Variants in EYS observed in about 807,000 individuals in gnomAD.
EYS encodes the protein EGF-like photoreceptor maintenance factor.
Under a neutral mutation model 282.1 loss-of-function variants are expected in EYS, and 250 were observed. The ratio of observed to expected loss-of-function variants is 0.89; its 90% CI spans 0.80 to 0.98. The LOEUF is 0.98. Among genes scored for constraint, EYS ranks in the 50% least tolerant of loss-of-function variants. The pLI is 0.00. For synonymous variants in EYS, 1,355 were observed against 1,282.9 expected (o/e 1.06, Z -1.20); for missense variants, 4,016 against 3,709.0 (o/e 1.08, Z -2.15).
intron 14 of EYS, among the ~76,000 whole-genome samples, chr6:64,961,752 G>T (rs1022363453): frequency 6.6e-5 from 10 of 151,986 alleles, no homozygotes; most frequent in African/African-American, 2.4e-4. Flanking sequence ...ATAATGCTCA[G>T]TGCACTTGAG....
intron 22 of EYS, among the ~76,000 whole-genome samples, chr6:64,705,062 C>T (rs944239654): frequency 2.0e-5 from 3 of 151,942 alleles, no homozygotes; most frequent in African/African-American, 7.2e-5. Flanking sequence ...TATGATCAAA[C>T]GTTTACCTAG....
chr6:64,565,984 A>C (rs1765556332), intron 26 of EYS, among the ~76,000 whole-genome samples: 1 of 151,484 alleles, frequency 6.6e-6, no homozygotes, highest in Admixed American at 6.6e-5. Flanking sequence ...AAGCATTCAA[A>C]GTACAAATTA....
chr6:65,110,695 TC>T (rs1775191575), intron 12 of EYS, among the ~76,000 whole-genome samples: 1 of 152,134 alleles, frequency 6.6e-6, no homozygotes, highest in African/African-American at 2.4e-5. Context: ...TATCTTTTTT[TC>T]AAAATAAATG....
chr6:64,632,214 A>C (rs1767806769), intron 22 of EYS, among the ~76,000 whole-genome samples: 1 of 152,112 alleles, frequency 6.6e-6, no homozygotes, highest in African/African-American at 2.4e-5. Flanking sequence ...GACTTCATAC[A>C]ATTTCAGAAT....
intron 31 of EYS, among the ~76,000 whole-genome samples, chr6:64,222,297 A>C (rs532471460): frequency 1.2e-5 from 1 of 84,232 alleles, no homozygotes; most frequent in African/African-American, 3.2e-5. Flanking sequence ...TAAATTCTTA[A>C]ATTAAGTTTT....
rs1280160882 is a variant in EYS, at chr6:64,275,809, TAAAA to T, written c.6191+31157_6191+31160del. On this transcript the variant is annotated intron_variant, in intron 30 of 42. Coordinates refer to ENST00000503581, the MANE Select transcript of EYS (RefSeq NM_001142800.2). Reference sequence around the variant, plus strand: ...TGTCTACTAAAAAAATAAAATAAAATAAAAAAATAGCTGGGCGTGGTGGCGGGCA... The same window carrying T: ...TGTCTACTAAAAAAATAAAATAAAATAAATAGCTGGGCGTGGTGGCGGGCA... Among the ~76,000 whole-genome samples, 4 of 66,424 alleles carry T rather than the reference TAAAA, an allele frequency of 6.0e-5. No homozygotes were observed. The South Asian group carries it at 2.0e-3, about 34-fold the overall frequency. 43.6% of individuals were successfully genotyped at this position (66,424 alleles called of 152,430 possible). A position where few individuals can be genotyped will look rare whatever the true frequency, so the allele number is the denominator to read the frequency against.
chr6:63,885,070 A>G (rs956427190), intron 35 of EYS, among the ~76,000 whole-genome samples: 2 of 152,200 alleles, frequency 1.3e-5, no homozygotes, highest in Non-Finnish European at 2.9e-5. Flanking sequence ...ACTGAAGTGC[A>G]GGTTCTAAAT....
chr6:65,492,305 AAGAG>A (rs1427552430), intron 4 of EYS, among the ~76,000 whole-genome samples: 15 of 136,136 alleles, frequency 1.1e-4, no homozygotes, highest in African/African-American at 2.2e-4. Context: ...AAGAAAGAGA[AAGAG>A]AGAGAAAGAA....
In EYS at chr6:63,844,420, G is replaced by C. The variant is rs528369374; in HGVS notation, c.7228+19766C>G. Among the ~76,000 whole-genome samples the C allele has an allele frequency of 2.0e-5, 3 of 152,226 alleles. No homozygotes were observed. In the South Asian group the frequency reaches 6.2e-4, roughly 32 times the overall value. On this transcript the variant is annotated intron_variant, in intron 36 of 42. Transcript: ENST00000503581. ...GGTATTTCTGCCTCTAAGTCTTTGA[G>C]GAATGTCCACACTGTCTTCCACAAT...
intron 15 of EYS, among the ~76,000 whole-genome samples, chr6:64,918,576 A>G (rs746172885): frequency 2.0e-5 from 3 of 152,184 alleles, no homozygotes; most frequent in Non-Finnish European, 2.9e-5. Flanking sequence ...CATTACTGAT[A>G]AGAGATTATG....
intron 22 of EYS, among the ~76,000 whole-genome samples, chr6:64,679,731 A>C (rs1320557893): frequency 3.3e-5 from 5 of 152,212 alleles, no homozygotes; most frequent in South Asian, 2.1e-4. Context: ...TATAACTTTA[A>C]AAATATATTT....
chr6:64,003,157 A>G (rs1341434646), intron 33 of EYS, among the ~76,000 whole-genome samples: 2 of 152,220 alleles, frequency 1.3e-5, no homozygotes, highest in Non-Finnish European at 2.9e-5. Context: ...GTCATTTGCA[A>G]CAACATGGAT....
At position 64,179,376 on chromosome 6, in the gene EYS, T is replaced by C. The variant is rs148495445; in HGVS notation, c.6424+51216A>G. ...TTTTAAAAAAGACCTAAAATGCCAA[T>C]TTTAAATCACAGTATAAACCACCAA... On this transcript the variant is annotated intron_variant, in intron 31 of 42. Coordinates refer to ENST00000503581, the MANE Select transcript of EYS (RefSeq NM_001142800.2). Among the ~76,000 whole-genome samples, 144 of 152,208 alleles carry C rather than the reference T, an allele frequency of 9.5e-4. 2 individuals are homozygous for C. Among genetic ancestry groups the C allele is most frequent in the African/African-American group, 3.2e-3 (135 of 41,570 alleles).
intron 8 of EYS, among the ~76,000 whole-genome samples, chr6:65,371,729 CTCTCTCTCTCTCTGTGTGTGTGTG>C (rs1282363976): frequency 2.9e-4 from 17 of 59,642 alleles, no homozygotes; most frequent in African/African-American, 7.1e-4. Flanking sequence ...CTCTCTCTCT[CTCTCTCTCTCTCTGTGTGTGTGTG>C]TGTGTGTGTG....
intron 37 of EYS, among the ~76,000 whole-genome samples, chr6:63,789,855 C>T (rs1044868442): frequency 2.6e-5 from 4 of 152,082 alleles, no homozygotes; most frequent in African/African-American, 4.8e-5. Flanking sequence ...TAAAGACCCA[C>T]GGGACAAAGG....
At chr6:64,815,482 C>A (rs573063550) in intron 21 of EYS, among the ~76,000 whole-genome samples, 1 of 152,132 alleles carries the variant, frequency 6.6e-6, no homozygotes, top group African/African-American at 2.4e-5. Flanking sequence ...TTTCAAGAAT[C>A]TTTTACTAAA....
intron 5 of EYS, among the ~76,000 whole-genome samples, chr6:65,434,800 A>G (rs935053410): frequency 1.3e-5 from 2 of 152,078 alleles, no homozygotes; most frequent in African/African-American, 4.8e-5. Context: ...TAATATGAAA[A>G]TGTATTAATA....
At chr6:65,610,052 C>A (rs143196435) in intron 2 of EYS, among the ~76,000 whole-genome samples, 1 of 152,136 alleles carries the variant, frequency 6.6e-6, no homozygotes, top group Non-Finnish European at 1.5e-5. Context: ...GTGCATGCCA[C>A]CACGCCTGGC....
intron 33 of EYS, among the ~76,000 whole-genome samples, chr6:64,036,862 C>T (rs917804027): frequency 4.6e-5 from 7 of 152,126 alleles, no homozygotes; most frequent in Admixed American, 1.3e-4. Flanking sequence ...CTAGACCACA[C>T]GGAGGATAGT....
Sources: allele counts gnomAD v4.1 joint callset (sites outside exome capture counted in the v4.1 genomes callset), GRCh38; gene constraint gnomAD v4.1.1; transcripts MANE v1.5; gene names NCBI Gene and HGNC (gene_info 2026-07-23, HGNC 2026-07-21).